The following TENM3 variants were observed in gnomAD, a reference collection of about 807,000 sequenced individuals.
TENM3 encodes teneurin transmembrane protein 3.
Under a neutral mutation model 255.1 loss-of-function variants are expected in TENM3, and 63 were observed. The observed-to-expected ratio is 0.25, with a 90% CI of 0.20 to 0.30. The LOEUF (loss-of-function observed/expected upper bound fraction) is 0.30, where lower values mean the gene tolerates loss of function less well. TENM3 is among the 10% of genes least tolerant of loss of function. The pLI is 1.00. For synonymous variants in TENM3, 1,306 were observed against 1,322.3 expected (o/e 0.99, Z 0.27); for missense variants, 2,929 against 3,461.1 (o/e 0.85, Z 3.86).
At chr4:181,662,948 T>C in the TENM3 span, among the ~76,000 whole-genome samples, 1 of 152,160 alleles carries the variant, frequency 6.6e-6, no homozygotes. Context: ...AAGATAAGGA[T>C]AAAACTGCCA....
At chr4:181,522,974 G>A in the TENM3 span, 7 of 678,448 alleles carry the variant, frequency 1.0e-5, 1 homozygote, top group South Asian at 8.2e-5. Flanking sequence ...TAAAGGAGAT[G>A]GGTAGGATGC....
the TENM3 span, among the ~76,000 whole-genome samples, chr4:181,759,627 A>G: frequency 6.6e-6 from 1 of 152,080 alleles, no homozygotes; most frequent in African/African-American, 2.4e-5. Context: ...CAACTGGATA[A>G]AACCATTTGA....
upstream of TENM3, among the ~76,000 whole-genome samples, chr4:182,239,211 G>A (rs1431394322): frequency 6.6e-6 from 1 of 151,816 alleles, no homozygotes; most frequent in Non-Finnish European, 1.5e-5. Flanking sequence ...CGAGTAGCTG[G>A]GATTACAGGC....
chr4:182,221,550 A>G (rs897122774), intron 1 of TENM3, among the ~76,000 whole-genome samples: 9 of 152,246 alleles, frequency 5.9e-5, no homozygotes, highest in African/African-American at 2.2e-4. Context: ...ATTAGTTTCC[A>G]TCCTTTAAAT....
the TENM3 span, among the ~76,000 whole-genome samples, chr4:181,838,940 A>AT: frequency 6.6e-6 from 1 of 151,346 alleles, no homozygotes; most frequent in Non-Finnish European, 1.5e-5. Flanking sequence ...CTTCTTAAAA[A>AT]TGCATGTTTT....
chr4:181,791,962 A>T, the TENM3 span, among the ~76,000 whole-genome samples: 1 of 152,240 alleles, frequency 6.6e-6, no homozygotes, highest in Non-Finnish European at 1.5e-5. Flanking sequence ...CTCTTAGGAC[A>T]TGTGAACAGA....
At chr4:181,495,839 G>A in the TENM3 span, among the ~76,000 whole-genome samples, 11 of 143,734 alleles carry the variant, frequency 7.7e-5, no homozygotes, top group East Asian at 1.8e-3. Flanking sequence ...TCCTAAACTG[G>A]CAAAAAGCTA....
At chr4:182,686,136 A>C (rs1405027889) in intron 11 of TENM3, among the ~76,000 whole-genome samples, 1 of 152,052 alleles carries the variant, frequency 6.6e-6, no homozygotes, top group African/African-American at 2.4e-5. Flanking sequence ...CTCAATGCAA[A>C]AAAGAAACTT....
the TENM3 span, among the ~76,000 whole-genome samples, chr4:181,676,130 A>G: frequency 6.6e-6 from 1 of 152,048 alleles, no homozygotes; most frequent in African/African-American, 2.4e-5. Context: ...CCATTTTTCC[A>G]GGGTAGTTTT....
the TENM3 span, among the ~76,000 whole-genome samples, chr4:181,968,493 C>G: frequency 1.3e-5 from 2 of 152,178 alleles, no homozygotes; most frequent in Non-Finnish European, 2.9e-5. Context: ...AAGAAAGAAT[C>G]TAGCTCTTTC....
intron 3 of TENM3, among the ~76,000 whole-genome samples, chr4:182,357,742 T>C (rs1226846992): frequency 6.7e-6 from 1 of 149,862 alleles, no homozygotes; most frequent in African/African-American, 2.4e-5. Context: ...TTTGTCAATT[T>C]TGGCTTTTGT....
intron 3 of TENM3, among the ~76,000 whole-genome samples, chr4:182,492,342 T>C (rs1735379190): frequency 6.6e-6 from 1 of 152,180 alleles, no homozygotes; most frequent in Non-Finnish European, 1.5e-5. Flanking sequence ...AGTAATGAGA[T>C]ATACGGGATG....
At chr4:181,595,168 C>A in the TENM3 span, among the ~76,000 whole-genome samples, 1 of 151,994 alleles carries the variant, frequency 6.6e-6, no homozygotes, top group Admixed American at 6.5e-5. Flanking sequence ...TGGTGGCTCA[C>A]GCCTGTAATC....
chr4:181,601,043 A>G, the TENM3 span, among the ~76,000 whole-genome samples: 1 of 152,066 alleles, frequency 6.6e-6, no homozygotes, highest in East Asian at 1.9e-4. Context: ...CAGAGCCCAG[A>G]GTGGGGTCCC....
chr4:182,076,360 C>A, the TENM3 span, among the ~76,000 whole-genome samples: 2 of 152,002 alleles, frequency 1.3e-5, no homozygotes, highest in Admixed American at 6.6e-5. Flanking sequence ...CCCACCACCA[C>A]GCCCAGCTTA....
chr4:182,734,139 T>G (rs892989554), intron 16 of TENM3, among the ~76,000 whole-genome samples: 1 of 152,164 alleles, frequency 6.6e-6, no homozygotes, highest in African/African-American at 2.4e-5. Context: ...AAAGGAGAGG[T>G]CAATTCCTAA....
the TENM3 span, among the ~76,000 whole-genome samples, chr4:181,934,430 C>T: frequency 1.3e-5 from 2 of 152,074 alleles, no homozygotes; most frequent in Non-Finnish European, 2.9e-5. Context: ...CTTTAAATAG[C>T]TCTAATTACA....
chr4:181,926,097 C>T, the TENM3 span, among the ~76,000 whole-genome samples: 2 of 152,132 alleles, frequency 1.3e-5, no homozygotes, highest in African/African-American at 4.8e-5. Context: ...GAATATGCAG[C>T]CACCTATACA....
chr4:182,138,899 A>G, the TENM3 span, among the ~76,000 whole-genome samples: 2 of 152,382 alleles, frequency 1.3e-5, no homozygotes, highest in South Asian at 4.1e-4. Flanking sequence ...ACGATGTCCC[A>G]TTAAAAACTT....
Sources: allele counts gnomAD v4.1 joint callset (sites outside exome capture counted in the v4.1 genomes callset), GRCh38; gene constraint gnomAD v4.1.1; transcripts MANE v1.5; gene names NCBI Gene and HGNC (gene_info 2026-07-23, HGNC 2026-07-21).